The following HCRTR2 variants were observed in gnomAD, a reference collection of about 807,000 sequenced individuals.
HCRTR2 encodes orexin receptor type 2.
A neutral mutation model predicts 49.0 loss-of-function variants in HCRTR2; 22 were observed. That is an observed-to-expected ratio of 0.45 (90% CI 0.32 to 0.64). The LOEUF (loss-of-function observed/expected upper bound fraction) is 0.64. HCRTR2 is among the 30% of genes least tolerant of loss of function. The pLI is 0.04. For missense variants in HCRTR2, 491 were observed against 559.4 expected, an observed-to-expected ratio of 0.88 and a Z score of 1.23; for synonymous variants, 236 against 205.3, an observed-to-expected ratio of 1.15 and a Z score of -1.28.
At chr6:55,185,387 G>A (rs1051403881) in intron 1 of HCRTR2, among the ~76,000 whole-genome samples, 3 of 152,100 alleles carry the variant, frequency 2.0e-5, no homozygotes, top group Admixed American at 6.6e-5. Context: ...GTTTATAGAC[G>A]TATGTGTTAT....
intron 4 of HCRTR2, among the ~76,000 whole-genome samples, chr6:55,277,145 T>C (rs1396283996): frequency 6.6e-6 from 1 of 152,198 alleles, no homozygotes; most frequent in Admixed American, 6.5e-5. Context: ...TCTTTAGACA[T>C]TGACAAAATT....
intron 4 of HCRTR2, among the ~76,000 whole-genome samples, chr6:55,264,267 T>G (rs1056398235): frequency 1.3e-5 from 2 of 152,096 alleles, no homozygotes; most frequent in Admixed American, 1.3e-4. Context: ...ATAGGTTAAA[T>G]CTCCAACTTC....
chr6:55,224,865 A>T (rs1004669689), intron 1 of HCRTR2, among the ~76,000 whole-genome samples: 3 of 152,126 alleles, frequency 2.0e-5, no homozygotes, highest in African/African-American at 7.2e-5. Context: ...TTGGGGTAAG[A>T]TGTGGTTGGG....
intron 1 of HCRTR2, among the ~76,000 whole-genome samples, chr6:55,223,203 A>T (rs1387133272): frequency 1.3e-5 from 2 of 152,024 alleles, no homozygotes; most frequent in African/African-American, 4.8e-5. Flanking sequence ...CATATTTCCC[A>T]TTTTTTCTGG....
Position 55,263,618 on chromosome 6 carries a change from T to C in HCRTR2, c.647-89T>C, listed in dbSNP as rs562853649. The C allele has an allele frequency of 9.6e-6, 7 of 726,622 alleles. No individual in the cohort carries two copies. The Middle Eastern group carries it at 9.2e-4, about 95-fold the overall frequency. 45.0% of individuals were successfully genotyped at this position (726,622 alleles called of 1,614,324 possible). ...AATGAAATCATATAAAAGGTAAATATGCACTTTGAAGAAAAGCATTGACAT... is the reference window on the plus strand; with the variant it reads ...AATGAAATCATATAAAAGGTAAATACGCACTTTGAAGAAAAGCATTGACAT... On this transcript the variant is annotated intron_variant, in intron 3 of 6. Coordinates refer to ENST00000370862, the MANE Select transcript of HCRTR2 (RefSeq NM_001384272.1).
intron 1 of HCRTR2, among the ~76,000 whole-genome samples, chr6:55,146,267 T>C (rs1581794143): frequency 6.6e-6 from 1 of 152,288 alleles, no homozygotes; most frequent in Non-Finnish European, 1.5e-5. Context: ...AGACATCTAG[T>C]TTGATGCCAT....
At chr6:55,160,482 A>G (rs1764790256) in intron 1 of HCRTR2, among the ~76,000 whole-genome samples, 1 of 152,194 alleles carries the variant, frequency 6.6e-6, no homozygotes, top group Non-Finnish European at 1.5e-5. Flanking sequence ...ATTCACACAT[A>G]ACGATATTAA....
intron 1 of HCRTR2, among the ~76,000 whole-genome samples, chr6:55,125,314 A>T (rs1764258228): frequency 6.6e-6 from 1 of 152,168 alleles, no homozygotes; most frequent in African/African-American, 2.4e-5. Flanking sequence ...TCTGGTGGTG[A>T]CAAAATCTCT....
At chr6:55,127,489 T>A (rs549568356) in intron 1 of HCRTR2, among the ~76,000 whole-genome samples, 5 of 152,164 alleles carry the variant, frequency 3.3e-5, no homozygotes, top group Non-Finnish European at 7.4e-5. Flanking sequence ...TGCTGGGAGC[T>A]GCAGACCAGA....
intron 1 of HCRTR2, among the ~76,000 whole-genome samples, chr6:55,110,776 T>C (rs1764038165): frequency 6.6e-6 from 1 of 151,912 alleles, no homozygotes; most frequent in South Asian, 2.1e-4. Context: ...AAAACAATAG[T>C]GGGAGACTTC....
intron 1 of HCRTR2, among the ~76,000 whole-genome samples, chr6:55,133,681 CT>C (rs776625562): frequency 6.7e-6 from 1 of 149,820 alleles, no homozygotes; most frequent in Non-Finnish European, 1.5e-5. Flanking sequence ...ATCTATCTAT[CT>C]ATCTATCTAT....
chr6:55,248,597 T>A, intron 1 of HCRTR2, 42 bp from the exon 2 acceptor site: 2 of 1,511,106 alleles, frequency 1.3e-6, no homozygotes, highest in Non-Finnish European at 1.8e-6. Flanking sequence ...CCAATACCTA[T>A]TTTCTTTGTT....
intron 1 of HCRTR2, among the ~76,000 whole-genome samples, chr6:55,151,840 CTACAAAGTGA>C (rs1764668690): frequency 6.6e-6 from 1 of 151,756 alleles, no homozygotes; most frequent in South Asian, 2.1e-4. Context: ...GATCCATGGA[CTACAAAGTGA>C]TGTTTTGTTA....
At chr6:55,156,131 T>C (rs1192139655) in intron 1 of HCRTR2, among the ~76,000 whole-genome samples, 1 of 151,724 alleles carries the variant, frequency 6.6e-6, no homozygotes, top group Non-Finnish European at 1.5e-5. Flanking sequence ...TACATTATTA[T>C]AGTTACATTA....
intron 1 of HCRTR2, among the ~76,000 whole-genome samples, chr6:55,214,275 G>A (rs1248200375): frequency 6.6e-6 from 1 of 152,106 alleles, no homozygotes; most frequent in Non-Finnish European, 1.5e-5. Flanking sequence ...TTTGGTGAAG[G>A]CCTTTCTCTG....
At chr6:55,159,214 G>T (rs867113560) in intron 1 of HCRTR2, among the ~76,000 whole-genome samples, 5 of 152,166 alleles carry the variant, frequency 3.3e-5, no homozygotes, top group Middle Eastern at 6.8e-3. Flanking sequence ...CAGCAGACGG[G>T]CCTGAGTGTA....
At chr6:55,121,148 C>T (rs9475151) in intron 1 of HCRTR2, among the ~76,000 whole-genome samples, 37,325 of 151,932 alleles carry the variant, frequency 0.25, 4,992 homozygotes, top group African/African-American at 0.33. Context: ...TCTTTTATTT[C>T]GTTGAGCGTG....
intron 1 of HCRTR2, among the ~76,000 whole-genome samples, chr6:55,181,948 A>C (rs981014056): frequency 1.3e-5 from 2 of 152,366 alleles, no homozygotes; most frequent in Admixed American, 1.3e-4. Flanking sequence ...TTAAATACCC[A>C]AAGTTCTTTC....
chr6:55,277,718 T>C, intron 5 of HCRTR2, 118 bp downstream of exon 5: 1 of 781,876 alleles, frequency 1.3e-6, no homozygotes, highest in Non-Finnish European at 2.1e-6. Context: ...TTAGATACCT[T>C]GTCAGGCCAG....
Sources: gnomAD v4.1 joint callset for allele counts (sites outside exome capture counted in the v4.1 genomes callset) on GRCh38, gnomAD v4.1.1 for gene constraint, MANE v1.5 for transcripts, NCBI Gene and HGNC (gene_info 2026-07-23, HGNC 2026-07-21) for gene names.